HDAC4: variants seen among roughly 807,000 people sequenced by gnomAD.
The protein encoded by HDAC4 is histone deacetylase 4.
In HDAC4, 16 loss-of-function variants were observed where a neutral mutation model predicts 135.1. The ratio of observed to expected loss-of-function variants is 0.12; its 90% CI spans 0.08 to 0.18. The LOEUF (loss-of-function observed/expected upper bound fraction) is 0.18, where lower values mean the gene tolerates loss of function less well. HDAC4 is among the 10% of genes least tolerant of loss of function. The pLI is 1.00. For missense variants in HDAC4, 1,143 were observed against 1,511.8 expected (o/e 0.76, Z 4.05); for synonymous variants, 685 against 653.4 (o/e 1.05, Z -0.74).
intron 3 of HDAC4, among the ~76,000 whole-genome samples, chr2:239,192,769 C>T (rs1172810780): frequency 1.3e-5 from 2 of 152,162 alleles, no homozygotes; most frequent in African/African-American, 2.4e-5. Context: ...GTGAGCGGGC[C>T]CGTGCTTTCC....
chr2:239,399,914 G>C (rs907844805), intron 1 of HDAC4, among the ~76,000 whole-genome samples: 1 of 152,206 alleles, frequency 6.6e-6, no homozygotes, highest in Non-Finnish European at 1.5e-5. Context: ...ATGCAATAAA[G>C]AAAACACTCA....
At chr2:239,181,194 AG>A (rs2044128002) in intron 4 of HDAC4, among the ~76,000 whole-genome samples, 1 of 152,190 alleles carries the variant, frequency 6.6e-6, no homozygotes, top group African/African-American at 2.4e-5. Flanking sequence ...AGCCCTCACA[AG>A]GGGGGTGGGA....
intron 2 of HDAC4, among the ~76,000 whole-genome samples, chr2:239,329,802 G>A (rs552367349): frequency 7.9e-5 from 12 of 152,254 alleles, no homozygotes; most frequent in Non-Finnish European, 1.3e-4. Flanking sequence ...GCTGGGCTCC[G>A]TGCCTGCCTC....
chr2:239,211,744 T>C (rs763872217), intron 3 of HDAC4, among the ~76,000 whole-genome samples: 1 of 152,218 alleles, frequency 6.6e-6, no homozygotes, highest in African/African-American at 2.4e-5. Flanking sequence ...TCAGATGTTC[T>C]TAAGCCATAT....
Position 239,167,299 on chromosome 2 carries a change from C to T in HDAC4, c.491-3376G>A, listed in dbSNP as rs1458835688. Among the ~76,000 whole-genome samples, 1 of 152,204 alleles carries T rather than the reference C, an allele frequency of 6.6e-6. No homozygotes were observed. Among genetic ancestry groups the T allele is most frequent in the Middle Eastern group, 3.2e-3 (1 of 316 alleles). ...CAGGACCCACTTTATGACCCACGTCCTCTCCCTGCTTCTGCAAACACCATT... is the reference window on the plus strand; with the variant it reads ...CAGGACCCACTTTATGACCCACGTCTTCTCCCTGCTTCTGCAAACACCATT... On this transcript the variant is annotated intron_variant, in intron 5 of 26. Transcript: ENST00000543185. The surrounding 1 kb of genome is among the most constrained non-coding windows in gnomAD (Gnocchi z 4.1).
chr2:239,094,784 C>A (rs1263013700), intron 17 of HDAC4: 5 of 1,405,314 alleles, frequency 3.6e-6, no homozygotes, highest in Non-Finnish European at 4.7e-6. Context: ...CACCCCAGAG[C>A]CCCAGCCACC....
intron 7 of HDAC4, among the ~76,000 whole-genome samples, chr2:239,156,304 C>A (rs1335510457): frequency 6.6e-6 from 1 of 152,204 alleles, no homozygotes; most frequent in South Asian, 2.1e-4. Context: ...CGGCACATGG[C>A]CCACCAACAG....
At chr2:239,121,381 C>T (rs957567055) in intron 12 of HDAC4, among the ~76,000 whole-genome samples, 2 of 152,160 alleles carry the variant, frequency 1.3e-5, no homozygotes, top group African/African-American at 4.8e-5. Context: ...GCCTCTCTTC[C>T]TGGGGGGCTG....
chr2:239,381,928 G>A (rs573357200), intron 1 of HDAC4, among the ~76,000 whole-genome samples: 20 of 152,302 alleles, frequency 1.3e-4, no homozygotes, highest in African/African-American at 3.4e-4. Flanking sequence ...CCAGTTCCAC[G>A]TCACACACAC....
At chr2:239,272,701 C>T (rs1490419621) in intron 2 of HDAC4, among the ~76,000 whole-genome samples, 1 of 152,224 alleles carries the variant, frequency 6.6e-6, no homozygotes, top group African/African-American at 2.4e-5. Context: ...CCTCTCGCAG[C>T]CAACCATCTG....
At chr2:239,148,369 G>A (rs1049520466) in intron 7 of HDAC4, among the ~76,000 whole-genome samples, 3 of 152,166 alleles carry the variant, frequency 2.0e-5, no homozygotes, top group Admixed American at 1.3e-4. Flanking sequence ...TACTGGAAAC[G>A]CCAGGAGAAG....
At chr2:239,086,281 T>TAC (rs201707990) in intron 19 of HDAC4, among the ~76,000 whole-genome samples, 11 of 66,048 alleles carry the variant, frequency 1.7e-4, no homozygotes, top group East Asian at 5.6e-4. Flanking sequence ...ATCTCGCACG[T>TAC]AGTCTCTTCC....
intron 3 of HDAC4, among the ~76,000 whole-genome samples, chr2:239,235,678 G>GT (rs1386457568): frequency 6.6e-6 from 1 of 152,240 alleles, no homozygotes; most frequent in East Asian, 1.9e-4. Flanking sequence ...GTGGAAACGG[G>GT]TTTTACAGAC....
chr2:239,121,897 C>A (rs2039727083), intron 12 of HDAC4, among the ~76,000 whole-genome samples: 2 of 152,302 alleles, frequency 1.3e-5, no homozygotes, highest in South Asian at 4.1e-4. Context: ...GGGCTGTGGG[C>A]TGGGGCTGCA....
chr2:239,124,787 G>GCCACGTTATATGACATT (rs2040031550), intron 12 of HDAC4, among the ~76,000 whole-genome samples: 1 of 116,014 alleles, frequency 8.6e-6, no homozygotes. Context: ...CTGGCGTGTG[G>GCCACGTTATATGACATT]CCGCGTTATA....
At chr2:239,166,576 G>A (rs967305158) in intron 5 of HDAC4, among the ~76,000 whole-genome samples, 2 of 152,188 alleles carry the variant, frequency 1.3e-5, no homozygotes, top group Non-Finnish European at 2.9e-5. Context: ...TGAACTGTCT[G>A]TCTGTAAGGG....
chr2:239,084,274 C>A (rs950308916), intron 19 of HDAC4, 32 bp from the exon 20 acceptor site: 3 of 1,522,548 alleles, frequency 2.0e-6, no homozygotes, highest in East Asian at 2.3e-5. Context: ...GGAGACGAAG[C>A]GCAGGTGGGC....
intron 11 of HDAC4, among the ~76,000 whole-genome samples, chr2:239,132,734 C>T (rs1209128396): frequency 2.0e-5 from 3 of 152,220 alleles, no homozygotes; most frequent in African/African-American, 2.4e-5. Context: ...CACAAGATTA[C>T]GCATGCTATT....
At chr2:239,213,838 TAC>T (rs1376091707) in intron 3 of HDAC4, among the ~76,000 whole-genome samples, 3 of 152,164 alleles carry the variant, frequency 2.0e-5, no homozygotes, top group Admixed American at 6.5e-5. Context: ...CCTCCATGAG[TAC>T]ACAGCTGGAT....
Sources: allele counts gnomAD v4.1 joint callset (sites outside exome capture counted in the v4.1 genomes callset), GRCh38; gene constraint gnomAD v4.1.1; non-coding constraint Gnocchi (gnomAD v3.1); transcripts MANE v1.5; gene names NCBI Gene and HGNC (gene_info 2026-07-23, HGNC 2026-07-21).